Variants in GRID1 observed in about 807,000 individuals in gnomAD.
The protein encoded by GRID1 is glutamate ionotropic receptor delta type subunit 1, also known as glutamate receptor ionotropic, delta-1.
GRID1 carries 28 observed loss-of-function variants against 98.0 expected under a neutral mutation model. The observed-to-expected ratio is 0.29, with a 90% CI of 0.21 to 0.39. The LOEUF (loss-of-function observed/expected upper bound fraction) is 0.39. Among genes scored for constraint, GRID1 ranks in the 10% least tolerant of loss-of-function variants. The pLI is 1.00. For synonymous variants in GRID1, 553 were observed against 538.5 expected (o/e 1.03, Z -0.37); for missense variants, 1,111 against 1,340.5 (o/e 0.83, Z 2.67).
At chr10:86,217,742 C>T (rs1846196362) in intron 2 of GRID1, among the ~76,000 whole-genome samples, 1 of 152,298 alleles carries the variant, frequency 6.6e-6, no homozygotes, top group Admixed American at 6.5e-5. Flanking sequence ...CTAAAACAGG[C>T]TCAGGGAGGG....
rs1326366008 is a variant in GRID1 at position 86,366,680 on chromosome 10, G to A, written c.-288C>T. ...GGGGGCGGCCCGCGGCTGTGGCAGCGGCGCTTCCCGCGGCTAGAGCGGCTT... is the reference window on the plus strand; with the variant it reads ...GGGGGCGGCCCGCGGCTGTGGCAGCAGCGCTTCCCGCGGCTAGAGCGGCTT... On this transcript the variant is annotated 5_prime_UTR_variant, in exon 1 of 16. Coordinates refer to ENST00000327946, the MANE Select transcript of GRID1 (RefSeq NM_017551.3). This position sits in a 1 kb window ranked among gnomAD's most constrained non-coding sequence, Gnocchi z 4.1. Among the ~76,000 whole-genome samples the A allele has an allele frequency of 1.3e-5, 2 of 149,256 alleles. No homozygotes were observed. Among genetic ancestry groups the A allele is most frequent in the Non-Finnish European group, 3.0e-5 (2 of 66,590 alleles).
At position 86,076,902 on chromosome 10, in the gene GRID1, G is replaced by A. The variant is rs536986556; in HGVS notation, c.726+61917C>T. ...ATGGCCTTCTCCCTGTGTCTGTCTCGCAATTTCTCCTTCTTATGAGGATGC... is the reference window on the plus strand; with the variant it reads ...ATGGCCTTCTCCCTGTGTCTGTCTCACAATTTCTCCTTCTTATGAGGATGC... On this transcript the variant is annotated intron_variant, in intron 4 of 15. Coordinates refer to ENST00000327946, the MANE Select transcript of GRID1 (RefSeq NM_017551.3). Among the ~76,000 whole-genome samples, 170 of 139,428 alleles carry A rather than the reference G, an allele frequency of 1.2e-3. 6 individuals are homozygous for A. The highest frequency in any genetic ancestry group is 4.2e-3 in the African/African-American group (155 of 37,066). 91.5% of individuals were successfully genotyped at this position (139,428 alleles called of 152,430 possible).
chr10:86,058,342 G>A (rs903283341), intron 4 of GRID1, among the ~76,000 whole-genome samples: 1 of 152,182 alleles, frequency 6.6e-6, no homozygotes, highest in Admixed American at 6.5e-5. Context: ...ATGCTGACAT[G>A]AGAGCTATCA....
At chr10:85,958,012 T>G (rs550229834) in intron 4 of GRID1, among the ~76,000 whole-genome samples, 1 of 152,262 alleles carries the variant, frequency 6.6e-6, no homozygotes, top group South Asian at 2.1e-4. Flanking sequence ...AGTCGGGAGA[T>G]GTGCCAGCTA....
chr10:86,311,513 C>A (rs1179722257), intron 2 of GRID1, among the ~76,000 whole-genome samples: 1 of 152,156 alleles, frequency 6.6e-6, no homozygotes, highest in East Asian at 1.9e-4. Context: ...GCCTCTCTAG[C>A]CAGGCAGGGC....
intron 3 of GRID1, among the ~76,000 whole-genome samples, chr10:86,203,725 C>G (rs188144411): frequency 3.4e-4 from 52 of 151,886 alleles, no homozygotes; most frequent in African/African-American, 1.2e-3. Flanking sequence ...ACCACTCTGA[C>G]GCTGTCTTCT....
intron 5 of GRID1, among the ~76,000 whole-genome samples, chr10:85,885,024 T>G (rs1484996828): frequency 2.0e-5 from 3 of 152,194 alleles, no homozygotes; most frequent in Non-Finnish European, 4.4e-5. Context: ...TTTCTGTGAA[T>G]ACACTAAAAT....
chr10:85,736,458 T>C (rs1299905626), intron 8 of GRID1, among the ~76,000 whole-genome samples: 1 of 152,142 alleles, frequency 6.6e-6, no homozygotes. Flanking sequence ...CAAGGTAGTA[T>C]TGGAAGGCAA....
At chr10:86,266,162 C>T (rs191734319) in intron 2 of GRID1, among the ~76,000 whole-genome samples, 4 of 152,190 alleles carry the variant, frequency 2.6e-5, no homozygotes, top group African/African-American at 7.2e-5. Flanking sequence ...GCTGCTCCCA[C>T]CTCCCACCTC....
At position 85,916,017 on chromosome 10, in the gene GRID1, C is replaced by T. The variant is rs1290964530; in HGVS notation, c.780+169G>A. On this transcript the variant is annotated intron_variant, in intron 5 of 15. Coordinates refer to ENST00000327946, the MANE Select transcript of GRID1 (RefSeq NM_017551.3). This position sits in a 1 kb window ranked among gnomAD's most constrained non-coding sequence, Gnocchi z 4.0. ...CTCGTTCCCACCTGCCAGGTGAGCA[C>T]CCTGCTAGGTCAAGTTCAACTCTTT... 6.6e-6 allele frequency among the ~76,000 whole-genome samples: 1 copy of T among 152,240 alleles called. No individual in the cohort carries two copies. The highest frequency in any genetic ancestry group is 6.5e-5 in the Admixed American group (1 of 15,286).
intron 4 of GRID1, among the ~76,000 whole-genome samples, chr10:85,962,647 C>A (rs1842285133): frequency 6.6e-6 from 1 of 152,128 alleles, no homozygotes; most frequent in Non-Finnish European, 1.5e-5. Context: ...CCATCTTGAT[C>A]AAGGTGCCAC....
intron 12 of GRID1, among the ~76,000 whole-genome samples, chr10:85,716,149 C>G (rs1460031144): frequency 2.0e-5 from 3 of 152,150 alleles, no homozygotes; most frequent in African/African-American, 7.2e-5. Flanking sequence ...TCAGGTGATT[C>G]ACCAGTCTCA....
chr10:86,075,015 A>G (rs1210550523), intron 4 of GRID1, among the ~76,000 whole-genome samples: 1 of 151,934 alleles, frequency 6.6e-6, no homozygotes. Flanking sequence ...ATGAATGACC[A>G]AATGCACAAA....
intron 5 of GRID1, among the ~76,000 whole-genome samples, chr10:85,899,687 C>A (rs59249745): frequency 6.6e-6 from 1 of 152,158 alleles, no homozygotes; most frequent in East Asian, 1.9e-4. Context: ...GGCAACCCCT[C>A]GGCTTGCTAT....
chr10:85,879,261 C>T (rs1840961988), intron 5 of GRID1, among the ~76,000 whole-genome samples: 2 of 152,064 alleles, frequency 1.3e-5, no homozygotes, highest in Non-Finnish European at 2.9e-5. Context: ...CAGCTCTGCA[C>T]CAAGTGGACC....
intron 8 of GRID1, among the ~76,000 whole-genome samples, chr10:85,821,885 C>A (rs1263824301): frequency 6.6e-6 from 1 of 152,044 alleles, no homozygotes; most frequent in Admixed American, 6.6e-5. Flanking sequence ...TAATACCACA[C>A]ATCTACAACC....
chr10:86,296,333 C>T (rs1488931779), intron 2 of GRID1, among the ~76,000 whole-genome samples: 2 of 152,200 alleles, frequency 1.3e-5, no homozygotes, highest in African/African-American at 2.4e-5. Context: ...CTAGAAAGAA[C>T]CACAGAAAAA....
chr10:85,741,374 T>A (rs575021715), intron 8 of GRID1, among the ~76,000 whole-genome samples: 117 of 152,210 alleles, frequency 7.7e-4, no homozygotes, highest in East Asian at 2.1e-3. Flanking sequence ...AAATATATAT[T>A]TTTTTAAACT....
At chr10:85,983,879 C>T (rs534964792) in intron 4 of GRID1, among the ~76,000 whole-genome samples, 2 of 152,238 alleles carry the variant, frequency 1.3e-5, no homozygotes, top group South Asian at 4.2e-4. Context: ...AGAAAAGGCC[C>T]TTTCTTTTCA....
Sources: gnomAD v4.1 joint callset for allele counts (sites outside exome capture counted in the v4.1 genomes callset) on GRCh38, gnomAD v4.1.1 for gene constraint, Gnocchi (gnomAD v3.1) non-coding constraint, MANE v1.5 for transcripts, NCBI Gene and HGNC (gene_info 2026-07-23, HGNC 2026-07-21) for gene names.